Variants in NHERF2 observed in about 807,000 individuals in gnomAD.
The protein encoded by NHERF2 is Na(+)/H(+) exchange regulatory cofactor NHE-RF2.
chr16:2,037,634 G>T, the NHERF2 span: 2 of 1,605,038 alleles, frequency 1.2e-6, no homozygotes, highest in Non-Finnish European at 1.7e-6. Context: ...GCTCACACGT[G>T]GGGTTGCTAG....
chr16:2,033,629 C>T, the NHERF2 span, among the ~76,000 whole-genome samples: 59 of 152,318 alleles, frequency 3.9e-4, no homozygotes, highest in African/African-American at 1.3e-3. Flanking sequence ...CCTCTTTGTC[C>T]GGACACAGGC....
the NHERF2 span, among the ~76,000 whole-genome samples, chr16:2,032,569 C>G: frequency 6.6e-6 from 1 of 152,208 alleles, no homozygotes; most frequent in African/African-American, 2.4e-5. The surrounding 1 kb of genome is among the most constrained non-coding windows in gnomAD (Gnocchi z 4.0). Context: ...ATGGAGAGGG[C>G]CCAACTTTGG....
chr16:2,031,553 G>A, the NHERF2 span, among the ~76,000 whole-genome samples: 1 of 152,154 alleles, frequency 6.6e-6, no homozygotes, highest in East Asian at 1.9e-4. Flanking sequence ...TGCTATTTCA[G>A]GCTCTGGGGG....
At chr16:2,032,058 C>T in the NHERF2 span, among the ~76,000 whole-genome samples, 2 of 149,380 alleles carry the variant, frequency 1.3e-5, no homozygotes, top group Non-Finnish European at 3.0e-5. This position sits in a 1 kb window ranked among gnomAD's most constrained non-coding sequence, Gnocchi z 4.0. Flanking sequence ...TTCACTCTGT[C>T]GCCCAGGCTG....
chr16:2,035,390 G>A, the NHERF2 span: 2 of 985,732 alleles, frequency 2.0e-6, no homozygotes, highest in African/African-American at 1.7e-5. Flanking sequence ...TGCCGCCCCA[G>A]CCCTGGCCTG....
At chr16:2,029,498 TG>T in the NHERF2 span, 1 of 1,341,994 alleles carries the variant, frequency 7.5e-7, no homozygotes, top group Non-Finnish European at 1.0e-6. Context: ...TCCGCACGCC[TG>T]GGCCAGCCCA....
the NHERF2 span, chr16:2,036,351 C>CG: frequency 6.2e-7 from 1 of 1,610,274 alleles, no homozygotes; most frequent in Non-Finnish European, 8.5e-7. Flanking sequence ...GAGGGAGCTG[C>CG]GCCCTCGGCT....
chr16:2,037,508 T>C, the NHERF2 span: 1 of 1,592,564 alleles, frequency 6.3e-7, no homozygotes, highest in African/African-American at 1.3e-5. Flanking sequence ...TGTGTGTCTG[T>C]GAAACCACAA....
the NHERF2 span, chr16:2,036,707 G>T: frequency 6.2e-7 from 1 of 1,609,338 alleles, no homozygotes; most frequent in Non-Finnish European, 8.5e-7. Flanking sequence ...TGGCGGGGCT[G>T]ATACATGCTG....
At chr16:2,034,780 T>C in the NHERF2 span, among the ~76,000 whole-genome samples, 2 of 144,856 alleles carry the variant, frequency 1.4e-5, no homozygotes, top group Admixed American at 1.4e-4. Context: ...GGGGCTGTGC[T>C]CCACTTCCCC....
At chr16:2,028,823 C>T in the NHERF2 span, among the ~76,000 whole-genome samples, 1 of 152,178 alleles carries the variant, frequency 6.6e-6, no homozygotes, top group Non-Finnish European at 1.5e-5. Flanking sequence ...CGCGGGTGTG[C>T]GCTGGCCCCC....
chr16:2,037,060 G>A, the NHERF2 span: 1 of 1,528,346 alleles, frequency 6.5e-7, no homozygotes, highest in Non-Finnish European at 8.9e-7. Flanking sequence ...GCCCGACAGA[G>A]GCCCCCTTCT....
chr16:2,027,016 C>T, the NHERF2 span: 2 of 1,181,136 alleles, frequency 1.7e-6, no homozygotes, highest in Non-Finnish European at 2.1e-6. Context: ...ATGGCCGCGC[C>T]GGAGCCGCTG....
At chr16:2,030,245 GC>G in the NHERF2 span, among the ~76,000 whole-genome samples, 2 of 152,194 alleles carry the variant, frequency 1.3e-5, no homozygotes, top group Non-Finnish European at 2.9e-5. Flanking sequence ...CACAGGCAGC[GC>G]CGTGGTTGGG....
At chr16:2,033,380 C>T in the NHERF2 span, 482 of 1,533,348 alleles carry the variant, frequency 3.1e-4, 9 homozygotes, top group South Asian at 5.2e-3. Flanking sequence ...GCCACGCCAC[C>T]TGCCCGGGCT....
chr16:2,034,402 C>G, the NHERF2 span, among the ~76,000 whole-genome samples: 1 of 29,586 alleles, frequency 3.4e-5, no homozygotes, highest in Admixed American at 2.4e-4. Flanking sequence ...CCAGGCCAGC[C>G]TGGGGGCCGT....
At chr16:2,027,317 G>A in the NHERF2 span, 182 of 654,776 alleles carry the variant, frequency 2.8e-4, 1 homozygote, top group Non-Finnish European at 3.8e-4. Context: ...GGCTCCCGCG[G>A]GGAGGACGCG....
the NHERF2 span, among the ~76,000 whole-genome samples, chr16:2,030,515 A>T: frequency 1.3e-5 from 2 of 149,458 alleles, no homozygotes; most frequent in Non-Finnish European, 1.5e-5. Flanking sequence ...GCCGACTGGG[A>T]GGGGCGGCCT....
chr16:2,030,206 G>A, the NHERF2 span, among the ~76,000 whole-genome samples: 4 of 152,212 alleles, frequency 2.6e-5, no homozygotes, highest in Admixed American at 2.6e-4. Context: ...CTGCATGCTG[G>A]GAAGGCCTGG....
Sources: allele counts gnomAD v4.1 joint callset (sites outside exome capture counted in the v4.1 genomes callset), GRCh38; gene constraint gnomAD v4.1.1; non-coding constraint Gnocchi (gnomAD v3.1); transcripts MANE v1.5; gene names NCBI Gene and HGNC (gene_info 2026-07-23, HGNC 2026-07-21).